The following RAPGEF2 variants were observed in gnomAD, a reference collection of about 807,000 sequenced individuals.
RAPGEF2 encodes the protein PDZ domain containing guanine nucleotide exchange factor (GEF) 1.
A neutral mutation model predicts 186.7 loss-of-function variants in RAPGEF2; 54 were observed. The observed-to-expected ratio is 0.29, with a 90% CI of 0.23 to 0.36. The LOEUF is 0.36. RAPGEF2 is among the 10% of genes least tolerant of loss of function. The pLI is 1.00. For synonymous variants in RAPGEF2, 712 were observed against 705.9 expected, an observed-to-expected ratio of 1.01 and a Z score of -0.14; for missense variants, 1,532 against 2,045.0, an observed-to-expected ratio of 0.75 and a Z score of 4.84.
chr4:159,181,202 C>A (rs4410485), intron 1 of RAPGEF2, among the ~76,000 whole-genome samples: 110,625 of 152,096 alleles, frequency 0.73, 41,453 homozygotes, highest in African/African-American at 0.88. Flanking sequence ...TAGTTGAAGG[C>A]GTAGAAACTT....
At position 159,357,569 on chromosome 4, in the gene RAPGEF2, G is replaced by A. The variant is rs1220959992; in HGVS notation, c.4958-545G>A. ...CATAGAAAAAAGCAACACGTGACTG[G>A]GAGATTGGGAGGCCGAGGCAGGAGA... On this transcript the variant is annotated intron_variant, in intron 29 of 29. Transcript: ENST00000691494. Among the ~76,000 whole-genome samples, 3 of 152,276 alleles carry A rather than the reference G, an allele frequency of 2.0e-5. No homozygotes were observed. In the East Asian group the frequency reaches 5.8e-4, roughly 29 times the overall value.
At chr4:159,332,870 A>G (rs373850329) in intron 17 of RAPGEF2, 173 bp downstream of exon 17, 4 of 658,810 alleles carry the variant, frequency 6.1e-6, no homozygotes, top group African/African-American at 3.7e-5. Flanking sequence ...CGTTTTTGCC[A>G]CTTATTTGGC....
chr4:159,221,027 A>G (rs1475150442), intron 4 of RAPGEF2, among the ~76,000 whole-genome samples: 1 of 152,218 alleles, frequency 6.6e-6, no homozygotes, highest in East Asian at 1.9e-4. Flanking sequence ...GTCTGGGGAA[A>G]GCGTATGAGA....
At chr4:159,148,897 T>A (rs1025027875) in intron 1 of RAPGEF2, among the ~76,000 whole-genome samples, 1 of 152,236 alleles carries the variant, frequency 6.6e-6, no homozygotes, top group Non-Finnish European at 1.5e-5. Flanking sequence ...TTAGTTACTT[T>A]GTTTATTGGA....
At chr4:159,301,890 T>G (rs1210519446) in intron 7 of RAPGEF2, among the ~76,000 whole-genome samples, 3 of 152,136 alleles carry the variant, frequency 2.0e-5, no homozygotes, top group Non-Finnish European at 2.9e-5. Context: ...ATCTTGTATT[T>G]TCTATTGTTT....
At chr4:159,176,194 A>G (rs2111261756) in intron 1 of RAPGEF2, among the ~76,000 whole-genome samples, 1 of 152,236 alleles carries the variant, frequency 6.6e-6, no homozygotes, top group Admixed American at 6.5e-5. Flanking sequence ...TCATGTGGAA[A>G]GGGTACAAGA....
chr4:159,277,584 C>A (rs566599477), intron 7 of RAPGEF2, among the ~76,000 whole-genome samples: 1 of 152,150 alleles, frequency 6.6e-6, no homozygotes, highest in Non-Finnish European at 1.5e-5. Context: ...CTCTCCAGCA[C>A]CTGTTGTTTC....
Position 159,121,561 on chromosome 4 carries a change from A to G in RAPGEF2, c.69+17330A>G, listed in dbSNP as rs115419013. On this transcript the variant is annotated intron_variant, in intron 1 of 29. Coordinates refer to ENST00000691494, the MANE Select transcript of RAPGEF2 (RefSeq NM_001394067.2). ...TTTTAATTTTTTTTGTGGAGATGGGATCTCACTGTGTTGTCCAGTCTGGTC... is the reference window on the plus strand; with the variant it reads ...TTTTAATTTTTTTTGTGGAGATGGGGTCTCACTGTGTTGTCCAGTCTGGTC... Among the ~76,000 whole-genome samples the G allele has an allele frequency of 8.5e-3, 1,289 of 151,680 alleles. 23 individuals carry two copies. The highest frequency in any genetic ancestry group is 0.03 in the African/African-American group (1,225 of 41,340).
chr4:159,144,211 G>A (rs78167590), intron 1 of RAPGEF2, among the ~76,000 whole-genome samples: 1,561 of 151,964 alleles, frequency 0.01, 28 homozygotes, highest in African/African-American at 0.035. Context: ...AAGTTCATCC[G>A]AATACTGTCA....
At chr4:159,226,275 A>G (rs1752021091) in intron 4 of RAPGEF2, among the ~76,000 whole-genome samples, 1 of 152,196 alleles carries the variant, frequency 6.6e-6, no homozygotes, top group South Asian at 2.1e-4. Context: ...ATGTTTGTTT[A>G]AAATCAATTA....
At chr4:159,185,956 C>G (rs1028146745) in intron 1 of RAPGEF2, among the ~76,000 whole-genome samples, 7 of 151,992 alleles carry the variant, frequency 4.6e-5, no homozygotes, top group African/African-American at 1.7e-4. Context: ...ATGTGTAATC[C>G]TAGACTCCTA....
chr4:159,243,799 A>T lies in RAPGEF2; in HGVS notation c.543+8A>T. ...GAATGCACTAAATCTCAGGTATTGTAATTTGTGTGTGGTCTTCTGACACTA... is the reference window on the plus strand; with the variant it reads ...GAATGCACTAAATCTCAGGTATTGTTATTTGTGTGTGGTCTTCTGACACTA... On this transcript the variant is annotated splice_region_variant and intron_variant, in intron 7 of 29. Coordinates refer to ENST00000691494, the MANE Select transcript of RAPGEF2 (RefSeq NM_001394067.2). 1 of 1,279,046 alleles carries T rather than the reference A, an allele frequency of 7.8e-7. No homozygotes were observed. Among genetic ancestry groups the T allele is most frequent in the East Asian group, 5.6e-5 (1 of 17,986 alleles). The allele number at this position is 1,279,046 out of a possible 1,614,324, so 79.2% of individuals were successfully genotyped here. A position where few individuals can be genotyped will look rare whatever the true frequency, so the allele number is the denominator to read the frequency against.
rs887654021 is a variant in RAPGEF2, at chr4:159,267,350, G to T, written c.543+23559G>T. On this transcript the variant is annotated intron_variant, in intron 7 of 29. Coordinates refer to ENST00000691494, the MANE Select transcript of RAPGEF2 (RefSeq NM_001394067.2). ...TAATTATATTGGTGTATTGCATTCA[G>T]ACTCATGATTTTTGAGATTGTGTGT... 2.3e-6 allele frequency: 3 copies of T among 1,283,794 alleles called. No individual in the cohort carries two copies. In the African/African-American group the frequency reaches 4.6e-5, roughly 20 times the overall value. 79.5% of individuals were successfully genotyped at this position (1,283,794 alleles called of 1,614,324 possible).
At chr4:159,352,037 G>A (rs1167095347) in intron 26 of RAPGEF2, among the ~76,000 whole-genome samples, 1 of 152,168 alleles carries the variant, frequency 6.6e-6, no homozygotes, top group East Asian at 1.9e-4. Context: ...GTCCTTTCAG[G>A]CCAAGAAGTG....
chr4:159,339,764 T>C (rs184016556), intron 19 of RAPGEF2, among the ~76,000 whole-genome samples: 1 of 152,226 alleles, frequency 6.6e-6, no homozygotes, highest in Non-Finnish European at 1.5e-5. Context: ...CATATTCTAG[T>C]GTCATTTGCT....
At chr4:159,156,754 C>T (rs1438475222) in intron 1 of RAPGEF2, among the ~76,000 whole-genome samples, 1 of 152,090 alleles carries the variant, frequency 6.6e-6, no homozygotes, top group African/African-American at 2.4e-5. Context: ...GTTTTCTGTC[C>T]TTGTGATAGT....
chr4:159,198,750 C>A (rs1749082248), intron 3 of RAPGEF2, among the ~76,000 whole-genome samples: 1 of 151,924 alleles, frequency 6.6e-6, no homozygotes, highest in African/African-American at 2.4e-5. Flanking sequence ...CTGGCCTCTT[C>A]TGTTTTTACC....
At chr4:159,303,821 T>C (rs187000359) in intron 7 of RAPGEF2, among the ~76,000 whole-genome samples, 1 of 152,132 alleles carries the variant, frequency 6.6e-6, no homozygotes, top group African/African-American at 2.4e-5. Context: ...AATTCTAAGA[T>C]CTTTGATGGC....
intron 28 of RAPGEF2, among the ~76,000 whole-genome samples, chr4:159,355,118 G>A (rs1454789796): frequency 6.6e-6 from 1 of 152,130 alleles, no homozygotes; most frequent in Non-Finnish European, 1.5e-5. Context: ...AATTTTTATT[G>A]CAAAGGAAGG....
Sources: allele counts gnomAD v4.1 joint callset (sites outside exome capture counted in the v4.1 genomes callset), GRCh38; gene constraint gnomAD v4.1.1; transcripts MANE v1.5; gene names NCBI Gene and HGNC (gene_info 2026-07-23, HGNC 2026-07-21).